Variants in CDCA5 observed in about 807,000 individuals in gnomAD.
CDCA5 encodes sororin.
In CDCA5, 14 loss-of-function variants were observed where a neutral mutation model predicts 25.7. The observed-to-expected ratio is 0.54, with a 90% CI of 0.36 to 0.85. CDCA5 has a LOEUF of 0.85. CDCA5 is among the 40% of genes least tolerant of loss of function. CDCA5 has a pLI of 0.01. For synonymous variants in CDCA5, 127 were observed against 128.7 expected (o/e 0.99, Z 0.09); for missense variants, 307 against 324.5 (o/e 0.95, Z 0.41).
chr11:65,063,283 C>T (rs1280092701), downstream of CDCA5, among the ~76,000 whole-genome samples: 2 of 152,206 alleles, frequency 1.3e-5, no homozygotes, highest in Non-Finnish European at 2.9e-5. Context: ...TGGAGGAAGG[C>T]CCTGCCAGGC....
chr11:65,082,700 G>A (rs1947597195), intron 4 of CDCA5, among the ~76,000 whole-genome samples: 1 of 152,022 alleles, frequency 6.6e-6, no homozygotes, highest in Non-Finnish European at 1.5e-5. Context: ...GACCACAAGT[G>A]ATCTGCCCGC....
chr11:65,077,898 A>C lies in CDCA5; in HGVS notation c.*1209T>G, dbSNP rs1359744800. ...TCAGCGTCTACTTCCACGAACTTCT[A>C]AACATCAAAAGGTACAATGGCCAGG... On this transcript the variant is annotated 3_prime_UTR_variant, in exon 6 of 6. Transcript: ENST00000275517. 1 of 985,556 alleles carries C rather than the reference A, an allele frequency of 1.0e-6. No individual in the cohort carries two copies. The highest frequency in any genetic ancestry group is 1.7e-5 in the African/African-American group (1 of 57,232). The allele number at this position is 985,556 out of a possible 1,614,324, so 61.1% of individuals were successfully genotyped here. A position where few individuals can be genotyped will look rare whatever the true frequency, so the allele number is the denominator to read the frequency against.
At chr11:65,075,405 A>G (rs1947424549), downstream of CDCA5, among the ~76,000 whole-genome samples, 1 of 152,152 alleles carries the variant, frequency 6.6e-6, no homozygotes, top group Admixed American at 6.6e-5. Flanking sequence ...CTCAAAAATA[A>G]AAATAAAAAA....
intron 1 of CDCA5, among the ~76,000 whole-genome samples, chr11:65,071,475 T>C (rs1365924481): frequency 2.0e-5 from 3 of 150,460 alleles, no homozygotes; most frequent in Non-Finnish European, 4.4e-5. Context: ...GCCTCCTGAG[T>C]AGCTAATTTT....
chr11:65,068,242 C>T lies in CDCA5; in HGVS notation c.178-124G>A, dbSNP rs546482280. 245 of 568,616 alleles carry T rather than the reference C, an allele frequency of 4.3e-4. 3 individuals are homozygous for T. The highest frequency in any genetic ancestry group is 3.9e-3 in the South Asian group (233 of 60,184). The allele number at this position is 568,616 out of a possible 1,614,324, so 35.2% of individuals were successfully genotyped here. A position where few individuals can be genotyped will look rare whatever the true frequency, so the allele number is the denominator to read the frequency against. ...TTTCAGGGGCCCCATCGTCTGTATC[C>T]CCCACCCTGTAGGGAAAGCCTGGTA... On this transcript the variant is annotated intron_variant, in intron 2 of 6. Transcript: ENST00000525464.
At chr11:65,083,449 C>G in intron 3 of CDCA5, 36 bp downstream of exon 3, 1 of 1,614,152 alleles carries the variant, frequency 6.2e-7, no homozygotes, top group Non-Finnish European at 8.5e-7. Flanking sequence ...CAGTTTTGCC[C>G]GCCTAACCAC....
downstream of CDCA5, chr11:65,066,345 A>G (rs1947234962): frequency 5.1e-6 from 6 of 1,172,274 alleles, no homozygotes; most frequent in South Asian, 9.9e-5. Context: ...AGCTGGCTGA[A>G]GGAGCGGCCT....
At chr11:65,068,697 GGCGA>G in intron 1 of CDCA5, 1 of 622,864 alleles carries the variant, frequency 1.6e-6, no homozygotes, top group Non-Finnish European at 2.5e-6. Flanking sequence ...CTTCCAGCCT[GGCGA>G]GCGTCTATCA....
downstream of CDCA5, among the ~76,000 whole-genome samples, chr11:65,073,244 C>T (rs983602688): frequency 2.6e-5 from 4 of 152,048 alleles, no homozygotes; most frequent in African/African-American, 4.8e-5. Flanking sequence ...CGCGCCCGGC[C>T]GACTATCTCA....
Position 65,077,991 on chromosome 11 carries a change from G to C in CDCA5, c.*1116C>G, listed in dbSNP as rs1947480268. On this transcript the variant is annotated 3_prime_UTR_variant, in exon 6 of 6. Coordinates refer to ENST00000275517, the MANE Select transcript of CDCA5 (RefSeq NM_080668.4). Reference sequence around the variant, plus strand: ...CACTATTGAATCCACACGATGGAAAGAAGAGAAAGATGGGGAAATTCTCCA... The same window carrying C: ...CACTATTGAATCCACACGATGGAAACAAGAGAAAGATGGGGAAATTCTCCA... 1.0e-6 allele frequency: 1 copy of C among 985,482 alleles called. No individual in the cohort carries two copies. Among genetic ancestry groups the C allele is most frequent in the Non-Finnish European group, 1.2e-6 (1 of 829,948 alleles). 61.0% of individuals were successfully genotyped at this position (985,482 alleles called of 1,614,324 possible).
chr11:65,083,760 TCTAGACCTTAGAGTCCAG>T, intron 1 of CDCA5, 37 bp from the exon 2 acceptor site: 1 of 1,594,086 alleles, frequency 6.3e-7, no homozygotes. Context: ...AGAGGAGGAC[TCTAGACCTTAGAGTCCAG>T]AGAACAGGTT....
downstream of CDCA5, among the ~76,000 whole-genome samples, chr11:65,063,878 T>TCTGGG (rs1338638587): frequency 6.6e-6 from 1 of 152,206 alleles, no homozygotes; most frequent in Non-Finnish European, 1.5e-5. Context: ...GACAGGAACC[T>TCTGGG]CTGGGCTGGG....
At chr11:65,065,017 T>C (rs1368919817), downstream of CDCA5, among the ~76,000 whole-genome samples, 1 of 152,128 alleles carries the variant, frequency 6.6e-6, no homozygotes, top group Non-Finnish European at 1.5e-5. Context: ...AAACCAGGCC[T>C]GGGGAGAAGC....
intron 1 of CDCA5, among the ~76,000 whole-genome samples, chr11:65,070,512 C>T (rs1947319636): frequency 6.6e-6 from 1 of 152,168 alleles, no homozygotes; most frequent in African/African-American, 2.4e-5. Context: ...GAGACAGGGT[C>T]TCACTTTGTC....
chr11:65,083,961 C>T lies in CDCA5; in HGVS notation c.18G>A (p.Thr6=). 6.4e-7 allele frequency: 1 copy of T among 1,569,750 alleles called. No homozygotes were observed. The highest frequency in any genetic ancestry group is 2.3e-5 in the East Asian group (1 of 43,218). Reference sequence around the variant, plus strand: ...AGCGCTGAGCGGCTCCTCCGGACCGCGTTCGCCTCCCAGACATAACTTAGG... The same window carrying T: ...AGCGCTGAGCGGCTCCTCCGGACCGTGTTCGCCTCCCAGACATAACTTAGG... MSGRR[T]RSGGAAQRSG... Residue 6 remains threonine, a synonymous_variant, in exon 1 of 6, where the codon ACG becomes ACA. Transcript: ENST00000275517.
downstream of CDCA5, among the ~76,000 whole-genome samples, chr11:65,065,591 GT>G (rs1947225310): frequency 6.6e-6 from 1 of 152,150 alleles, no homozygotes; most frequent in South Asian, 2.1e-4. Context: ...ACCAGCCCGG[GT>G]TATGGGATTT....
rs754587257 is a variant in CDCA5, at chr11:65,079,595, A to G, written c.436T>C (p.Tyr146His). The change falls in exon 5 of 6, where the codon TAC (tyrosine) becomes CAC (histidine). Residue 146 changes from tyrosine (Y) to histidine (H), a missense_variant. Tyr to His is a moderately conservative substitution (Grantham distance 83). Transcript: ENST00000275517. ...GAGCCCAGGGTCTCCAGCCGGCTGT[A>G]GGAACGCCTGACTTTCTTAGACATT... ...LEMSKKVRRS[Y>H]SRLETLGSAS... is the part of the protein sequence containing the mutation. 1.9e-6 allele frequency: 3 copies of G among 1,613,118 alleles called. No individual in the cohort carries two copies.
intron 4 of CDCA5, among the ~76,000 whole-genome samples, chr11:65,080,142 G>A (rs1266513525): frequency 3.3e-5 from 5 of 151,998 alleles, no homozygotes; most frequent in Admixed American, 6.6e-5. Context: ...CGCCCGCCTC[G>A]GCCTCCCAAA....
At position 65,083,639 on chromosome 11, in the gene CDCA5, A is replaced by C. The variant is rs754293224; in HGVS notation, c.131T>G (p.Ile44Ser). The C allele has an allele frequency of 1.3e-5, 21 of 1,614,076 alleles. No individual in the cohort carries two copies. The highest frequency in any genetic ancestry group is 1.0e-4 in the Admixed American group (6 of 60,012). Residue 44 changes from isoleucine (I) to serine (S), a missense_variant, in exon 2 of 6, where the codon ATC (isoleucine) becomes AGC (serine). By Grantham distance (142) the Ile-to-Ser change is moderately radical (BLOSUM62 -2). Coordinates refer to ENST00000275517, the MANE Select transcript of CDCA5 (RefSeq NM_080668.4). ...AAATCTGGGGCTCACCTTCGGCCAG[A>C]TTTCAGGGAGGATGCTCGGGAGTTC... Reference protein sequence around the residue: ...GSELPSILPEIWPKTPSAAAV... With the variant: ...GSELPSILPESWPKTPSAAAV...
Sources: gnomAD v4.1 joint callset for allele counts (sites outside exome capture counted in the v4.1 genomes callset) on GRCh38, gnomAD v4.1.1 for gene constraint, MANE v1.5 for transcripts, NCBI Gene and HGNC (gene_info 2026-07-23, HGNC 2026-07-21) for gene names.